CSMD3: variants seen among roughly 807,000 people sequenced by gnomAD.
CSMD3 encodes the protein CUB and sushi domain-containing protein 3.
CSMD3 carries 177 observed loss-of-function variants against 435.2 expected under a neutral mutation model. That is an observed-to-expected ratio of 0.41 (90% confidence interval 0.36 to 0.46). The LOEUF (loss-of-function observed/expected upper bound fraction) is 0.46, where lower values mean the gene tolerates loss of function less well. CSMD3 is among the 20% of genes least tolerant of loss of function. The probability of loss-of-function intolerance (pLI) is 0.34; values close to 1 mark genes in which losing one functional copy is unlikely to be tolerated. For synonymous variants in CSMD3, 1,656 were observed against 1,520.5 expected, an observed-to-expected ratio of 1.09 and a Z score of -2.07; for missense variants, 4,265 against 4,504.6, an observed-to-expected ratio of 0.95 and a Z score of 1.52.
chr8:112,752,685 CAAGAAA>C (rs2077597504), intron 13 of CSMD3, among the ~76,000 whole-genome samples: 1 of 151,462 alleles, frequency 6.6e-6, no homozygotes, highest in South Asian at 2.1e-4. Flanking sequence ...AAAAAGGAGT[CAAGAAA>C]AAGAAAGACA....
intron 31 of CSMD3, among the ~76,000 whole-genome samples, chr8:112,485,970 T>C (rs1184697181): frequency 6.6e-6 from 1 of 151,188 alleles, no homozygotes; most frequent in Non-Finnish European, 1.5e-5. Context: ...AATCCAGATC[T>C]TATATCAGCA....
chr8:113,328,692 C>T (rs1463527611), intron 1 of CSMD3, among the ~76,000 whole-genome samples: 3 of 140,462 alleles, frequency 2.1e-5, no homozygotes, highest in Non-Finnish European at 4.6e-5. Flanking sequence ...ATTTAAAATA[C>T]CATGTTTTCT....
At chr8:113,285,545 C>T (rs905395174) in intron 2 of CSMD3, among the ~76,000 whole-genome samples, 5 of 152,134 alleles carry the variant, frequency 3.3e-5, no homozygotes, top group African/African-American at 1.2e-4. Flanking sequence ...AGGCGTGAGC[C>T]ACCCCGCCCC....
chr8:112,300,177 T>C (rs1016062026), intron 53 of CSMD3, among the ~76,000 whole-genome samples: 3 of 147,296 alleles, frequency 2.0e-5, no homozygotes, highest in African/African-American at 7.4e-5. Context: ...TTATATATCA[T>C]TTAAATATAG....
chr8:112,738,602 A>G (rs2077236055), intron 13 of CSMD3, among the ~76,000 whole-genome samples: 2 of 151,736 alleles, frequency 1.3e-5, no homozygotes, highest in South Asian at 4.1e-4. Flanking sequence ...AATATTTCTC[A>G]GAAAAAAATG....
At chr8:112,888,889 G>A (rs1316457008) in intron 10 of CSMD3, among the ~76,000 whole-genome samples, 1 of 151,588 alleles carries the variant, frequency 6.6e-6, no homozygotes, top group Non-Finnish European at 1.5e-5. Flanking sequence ...AGCGTTGACT[G>A]GAATAAGAGA....
chr8:112,629,445 T>C (rs1399742063), intron 22 of CSMD3, among the ~76,000 whole-genome samples: 1 of 152,146 alleles, frequency 6.6e-6, no homozygotes, highest in Non-Finnish European at 1.5e-5. Flanking sequence ...TCTTACAGAT[T>C]AAAAAAATCA....
At chr8:112,831,673 T>C (rs2079880370) in intron 11 of CSMD3, among the ~76,000 whole-genome samples, 1 of 152,170 alleles carries the variant, frequency 6.6e-6, no homozygotes, top group Non-Finnish European at 1.5e-5. Context: ...TTGGCATCTT[T>C]TTTCCTCAGA....
chr8:112,321,186 TACTTAA>T lies in CSMD3; in HGVS notation c.7166-1211_7166-1206del, dbSNP rs201123140. On this transcript the variant is annotated intron_variant, in intron 45 of 70. Transcript: ENST00000297405. ...AATTGTTTTATATGCCTATTTTTACTACTTAAACTTAGAAGTTCTTTATGTACTCAA... is the reference window on the plus strand; with the variant it reads ...AATTGTTTTATATGCCTATTTTTACTACTTAGAAGTTCTTTATGTACTCAA... Among the ~76,000 whole-genome samples, 1,474 of 152,248 alleles carry T rather than the reference TACTTAA, an allele frequency of 9.7e-3. 8 individuals are homozygous for T. Among genetic ancestry groups the T allele is most frequent in the Non-Finnish European group, 0.013 (887 of 68,000 alleles).
chr8:113,083,649 A>G (rs1304894366), intron 5 of CSMD3, among the ~76,000 whole-genome samples: 3 of 152,170 alleles, frequency 2.0e-5, no homozygotes, highest in African/African-American at 7.2e-5. Context: ...ATAATATACA[A>G]AACAATAAGA....
chr8:112,939,924 A>T (rs2083399336), intron 9 of CSMD3, among the ~76,000 whole-genome samples: 1 of 152,012 alleles, frequency 6.6e-6, no homozygotes, highest in Admixed American at 6.6e-5. Flanking sequence ...TACTTATAGC[A>T]GTATGGTAAG....
intron 10 of CSMD3, among the ~76,000 whole-genome samples, chr8:112,905,319 T>TACACAC (rs1554714975): frequency 1.8e-4 from 19 of 103,514 alleles, no homozygotes; most frequent in African/African-American, 8.1e-4. Context: ...TATATATATA[T>TACACAC]ATACACACAC....
chr8:113,090,994 G>C (rs2089983633), intron 5 of CSMD3, among the ~76,000 whole-genome samples: 1 of 151,982 alleles, frequency 6.6e-6, no homozygotes, highest in Non-Finnish European at 1.5e-5. Flanking sequence ...CATAGAGAGA[G>C]TTCAATTTCT....
intron 10 of CSMD3, among the ~76,000 whole-genome samples, chr8:112,915,979 AAGG>A (rs1481205876): frequency 6.6e-6 from 1 of 151,852 alleles, no homozygotes; most frequent in Non-Finnish European, 1.5e-5. Context: ...TTGCAACTGA[AAGG>A]AGACCATACA....
At position 112,289,469 on chromosome 8, in the gene CSMD3, G is replaced by C. The variant is rs752471920; in HGVS notation, c.9044C>G (p.Ser3015Cys). Residue 3015 changes from serine to cysteine, a missense_variant, in exon 57 of 71, where the codon TCT becomes TGT. Physicochemically the swap from Ser to Cys is moderately radical, Grantham distance 112 (BLOSUM62 -1). Transcript: ENST00000297405. ...TCCTGTGCAGGAATAGTGAACAGTA[G>C]ACCCAAAAGTATACTTCTCGCCAGA... ...VLSGEKYTFG[S>C]TVHYSCTGKR... 6.2e-6 allele frequency: 10 copies of C among 1,613,004 alleles called. No homozygotes were observed. The highest frequency in any genetic ancestry group is 1.3e-5 in the African/African-American group (1 of 75,006).
At chr8:113,144,204 T>G (rs886732008) in intron 4 of CSMD3, among the ~76,000 whole-genome samples, 59 of 151,306 alleles carry the variant, frequency 3.9e-4, no homozygotes, top group African/African-American at 1.2e-3. Context: ...TCCTTAAATA[T>G]GTTCTCAGCT....
chr8:113,363,688 T>G (rs2133006198), intron 1 of CSMD3, among the ~76,000 whole-genome samples: 1 of 152,294 alleles, frequency 6.6e-6, no homozygotes, highest in East Asian at 1.9e-4. Flanking sequence ...TAATAAGAAC[T>G]GAATTTGGAT....
intron 9 of CSMD3, among the ~76,000 whole-genome samples, chr8:112,925,570 T>A (rs944297713): frequency 2.0e-5 from 3 of 151,482 alleles, no homozygotes; most frequent in African/African-American, 7.3e-5. Context: ...AAAAATTAAA[T>A]ATTTTCATCT....
intron 8 of CSMD3, 103 bp downstream of exon 8, chr8:112,954,581 T>C: frequency 1.4e-6 from 1 of 717,268 alleles, no homozygotes; most frequent in South Asian, 1.5e-5. Context: ...TGCAGTTAAT[T>C]TGGTAAATAC....
Sources: gnomAD v4.1 joint callset for allele counts (sites outside exome capture counted in the v4.1 genomes callset) on GRCh38, gnomAD v4.1.1 for gene constraint, MANE v1.5 for transcripts, NCBI Gene and HGNC (gene_info 2026-07-23, HGNC 2026-07-21) for gene names.